Variants in CENPE observed in about 807,000 individuals in gnomAD.
CENPE encodes centromere protein E, also known as centromere-associated protein E.
A neutral mutation model predicts 336.1 loss-of-function variants in CENPE; 145 were observed. That is an observed-to-expected ratio of 0.43 (90% confidence interval 0.38 to 0.50). The LOEUF is 0.50. CENPE is among the 20% of genes least tolerant of loss of function. The probability of loss-of-function intolerance (pLI) is 0.00; values close to 1 mark genes in which losing one functional copy is unlikely to be tolerated. For missense variants in CENPE, 2,719 were observed against 3,023.3 expected (o/e 0.90, Z 2.36); for synonymous variants, 1,013 against 984.8 (o/e 1.03, Z -0.54).
rs368246058 is a variant in CENPE at position 103,138,346 on chromosome 4, C to T, written c.6303+5G>A. Reference sequence around the variant, plus strand: ...TCATTTGTAGTTTTAACAGGGGGTACTTACTTTTATTCTAGAGCACTTTTC... The same window carrying T: ...TCATTTGTAGTTTTAACAGGGGGTATTTACTTTTATTCTAGAGCACTTTTC... On this transcript the variant is annotated splice_donor_5th_base_variant and intron_variant, in intron 39 of 48. Transcript: ENST00000265148. 3.2e-6 allele frequency: 5 copies of T among 1,587,008 alleles called. No individual in the cohort carries two copies. The Admixed American group carries it at 5.0e-5, about 16-fold the overall frequency.
rs1247074971 is a variant in CENPE, at chr4:103,133,895, T to C, written c.6523-3A>G. 1.9e-6 allele frequency: 3 copies of C among 1,554,946 alleles called. No individual in the cohort carries two copies. Among genetic ancestry groups the C allele is most frequent in the Non-Finnish European group, 2.6e-6 (3 of 1,142,074 alleles). ...TTTGTAACATAGCTTAACACATACTTGCAGAAAAAAATTAAACAAATTGGT... is the reference window on the plus strand; with the variant it reads ...TTTGTAACATAGCTTAACACATACTCGCAGAAAAAAATTAAACAAATTGGT... On this transcript the variant is annotated splice_polypyrimidine_tract_variant and splice_region_variant and intron_variant, in intron 40 of 48. Transcript: ENST00000265148.
chr4:103,160,701 T>G lies in CENPE; in HGVS notation c.2210A>C (p.Glu737Ala). ...KELNKEVEEN[E>A]ALREEVILLS... is the part of the protein sequence containing the mutation. Reference sequence around the variant, plus strand: ...CAAAATGACTTCTTCCCGCAAAGCTTCATTTTCTTCAACTTCTTTATTTAG... The same window carrying G: ...CAAAATGACTTCTTCCCGCAAAGCTGCATTTTCTTCAACTTCTTTATTTAG... Residue 737 changes from glutamate to alanine, a missense_variant, in exon 21 of 49, where the codon GAA becomes GCA. Glu to Ala is a moderately radical substitution (Grantham distance 107). Around this residue, in one of 5 missense-constraint regions of CENPE, gnomAD observed 2,437 missense variants for 2,513.3 expected, o/e 0.97. Transcript: ENST00000265148. The G allele has an allele frequency of 6.2e-7, 1 of 1,610,806 alleles. No individual in the cohort carries two copies. The highest frequency in any genetic ancestry group is 8.5e-7 in the Non-Finnish European group (1 of 1,178,244).
At chr4:103,179,290 A>T (rs1756134423) in intron 13 of CENPE, among the ~76,000 whole-genome samples, 1 of 152,180 alleles carries the variant, frequency 6.6e-6, no homozygotes, top group Non-Finnish European at 1.5e-5. Context: ...ATCTTTCTCA[A>T]CTATAATTCT....
intron 13 of CENPE, among the ~76,000 whole-genome samples, chr4:103,177,487 C>T (rs962343574): frequency 6.6e-6 from 1 of 151,718 alleles, no homozygotes; most frequent in African/African-American, 2.4e-5. Flanking sequence ...CTCGGCAACC[C>T]TAGGGTTGTA....
At chr4:103,123,948 T>C (rs1423891143) in intron 42 of CENPE, among the ~76,000 whole-genome samples, 1 of 152,216 alleles carries the variant, frequency 6.6e-6, no homozygotes, top group Admixed American at 6.5e-5. Context: ...TCATCTCACA[T>C]CATAAGAAAG....
At chr4:103,135,078 C>T (rs115572126) in intron 40 of CENPE, among the ~76,000 whole-genome samples, 1,640 of 152,292 alleles carry the variant, frequency 0.011, 23 homozygotes, top group African/African-American at 0.034. Context: ...TTTGACTTTT[C>T]CAACCTTGAA....
chr4:103,167,508 T>C (rs1200489130), intron 16 of CENPE, among the ~76,000 whole-genome samples: 2 of 152,050 alleles, frequency 1.3e-5, no homozygotes, highest in Non-Finnish European at 2.9e-5. Context: ...ATCTCAATCT[T>C]AGAAAAAAAA....
rs78174322 is a variant in CENPE, at chr4:103,146,159, A to G, written c.4135-52T>C. The G allele has an allele frequency of 1.3e-3, 2,024 of 1,522,378 alleles. 5 individuals are homozygous for G. Among genetic ancestry groups the G allele is most frequent in the Middle Eastern group, 2.1e-3 (11 of 5,288 alleles). 94.3% of individuals were successfully genotyped at this position (1,522,378 alleles called of 1,614,324 possible). The stretch of plus-strand genomic sequence containing the variant: ...TTGATATCCAGAGATATTGTGTTTT[A>G]GGGGAAAATAAATCAGGATGCTTTC... On this transcript the variant is annotated intron_variant, in intron 29 of 48. Coordinates refer to ENST00000265148, the MANE Select transcript of CENPE (RefSeq NM_001813.3).
intron 20 of CENPE, 148 bp from the exon 21 acceptor site, chr4:103,160,927 A>G: frequency 1.1e-6 from 1 of 947,224 alleles, no homozygotes; most frequent in Non-Finnish European, 1.5e-6. Flanking sequence ...GGAAATCTTT[A>G]TAAATATTAA....
intron 17 of CENPE, 47 bp from the exon 18 acceptor site, chr4:103,163,303 G>A (rs1172856405): frequency 6.5e-7 from 1 of 1,538,294 alleles, no homozygotes; most frequent in Non-Finnish European, 8.9e-7. Context: ...CTGATTTGAA[G>A]TCTAAGGGAT....
Position 103,151,385 on chromosome 4 carries a change from G to GA in CENPE, c.3238-9dup, listed in dbSNP as rs551530800. On this transcript the variant is annotated splice_polypyrimidine_tract_variant and intron_variant, in intron 25 of 48. Coordinates refer to ENST00000265148, the MANE Select transcript of CENPE (RefSeq NM_001813.3). ...TTCCTGGTTTTCAATGGTCTAGAAAGAAAAAAAAAGTTGAGATTAAAGTAA... is the reference window on the plus strand; with the variant it reads ...TTCCTGGTTTTCAATGGTCTAGAAAGAAAAAAAAAAGTTGAGATTAAAGTAA... The GA allele has an allele frequency of 7.2e-4, 1,083 of 1,513,110 alleles. No individual in the cohort carries two copies. The highest frequency in any genetic ancestry group is 1.6e-3 in the South Asian group (125 of 76,968). The allele number at this position is 1,513,110 out of a possible 1,614,324, so 93.7% of individuals were successfully genotyped here.
At chr4:103,195,527 C>G (rs1416851918) in intron 4 of CENPE, among the ~76,000 whole-genome samples, 1 of 152,014 alleles carries the variant, frequency 6.6e-6, no homozygotes, top group African/African-American at 2.4e-5. Flanking sequence ...AATTTGAAAC[C>G]AACTAACTCG....
At chr4:103,170,065 T>C (rs978388288) in intron 16 of CENPE, among the ~76,000 whole-genome samples, 1 of 152,002 alleles carries the variant, frequency 6.6e-6, no homozygotes, top group Non-Finnish European at 1.5e-5. Flanking sequence ...TTCTCACTTA[T>C]AAGTGGGAGT....
At chr4:103,123,121 A>G (rs1244528150) in intron 42 of CENPE, 32 bp from the exon 43 acceptor site, 2 of 1,525,476 alleles carry the variant, frequency 1.3e-6, no homozygotes, top group East Asian at 2.3e-5. Flanking sequence ...TTATAGCTCT[A>G]AAACGATTTA....
intron 36 of CENPE, 113 bp downstream of exon 36, chr4:103,140,701 G>A (rs1449916431): frequency 1.1e-5 from 9 of 823,574 alleles, no homozygotes; most frequent in Non-Finnish European, 1.7e-5. Flanking sequence ...ATTATTGGTG[G>A]ACACTTAGAT....
intron 34 of CENPE, among the ~76,000 whole-genome samples, chr4:103,142,302 C>T (rs1024750424): frequency 1.3e-5 from 2 of 152,060 alleles, no homozygotes; most frequent in Non-Finnish European, 2.9e-5. Flanking sequence ...GGCTAAAGTC[C>T]GTAAGGAAAA....
At chr4:103,118,586 T>C (rs1750346010) in intron 44 of CENPE, among the ~76,000 whole-genome samples, 1 of 152,230 alleles carries the variant, frequency 6.6e-6, no homozygotes, top group Non-Finnish European at 1.5e-5. Context: ...TCTTGTATTA[T>C]ATCTTAAAAA....
intron 8 of CENPE, among the ~76,000 whole-genome samples, chr4:103,189,400 C>G (rs1757098412): frequency 6.6e-6 from 1 of 152,250 alleles, no homozygotes; most frequent in South Asian, 2.1e-4. Context: ...CAATAAAATA[C>G]TGGCAAACAG....
intron 5 of CENPE, 100 bp downstream of exon 5, chr4:103,195,014 G>A: frequency 9.5e-7 from 1 of 1,056,530 alleles, no homozygotes; most frequent in Non-Finnish European, 1.3e-6. Context: ...TATAGAAATA[G>A]GAGACACTTT....
Sources: gnomAD v4.1 joint callset for allele counts (sites outside exome capture counted in the v4.1 genomes callset) on GRCh38, gnomAD v4.1.1 for gene constraint, gnomAD v4.1.1 regional missense constraint, MANE v1.5 for transcripts, NCBI Gene and HGNC (gene_info 2026-07-23, HGNC 2026-07-21) for gene names.